DACT2: variants seen among roughly 807,000 people sequenced by gnomAD.
DACT2 encodes dapper homolog 2.
DACT2 carries 20 observed loss-of-function variants against 22.2 expected under a neutral mutation model. That is an observed-to-expected ratio of 0.90 (90% CI 0.63 to 1.31). The LOEUF (loss-of-function observed/expected upper bound fraction) is 1.31, where lower values mean the gene tolerates loss of function less well. Ranked by LOEUF, DACT2 falls within the 50% of genes most tolerant of loss-of-function variation. The pLI, the probability that DACT2 is intolerant of heterozygous loss-of-function variation, is 0.00. For missense variants in DACT2, 1,048 were observed against 1,061.4 expected, an observed-to-expected ratio of 0.99 and a Z score of 0.18; for synonymous variants, 463 against 479.8, an observed-to-expected ratio of 0.96 and a Z score of 0.46.
intron 1 of DACT2, among the ~76,000 whole-genome samples, chr6:168,314,910 T>A (rs1779508061): frequency 6.6e-6 from 1 of 152,102 alleles, no homozygotes; most frequent in African/African-American, 2.4e-5. Flanking sequence ...GACTTGTGGA[T>A]AAAAAGGAGC....
Position 168,294,577 on chromosome 6 carries a change from G to GTGTATATATATATATATATATA in DACT2, c.730+55_730+56insTATATATATATATATATATACA, listed in dbSNP as rs1177617130. 46 of 124,462 alleles carry GTGTATATATATATATATATATA rather than the reference G, an allele frequency of 3.7e-4. 1 individual carries two copies. The highest frequency in any genetic ancestry group is 1.9e-3 in the African/African-American group (33 of 17,570). The allele number at this position is 124,462 out of a possible 1,614,324, so 7.7% of individuals were successfully genotyped here. On this transcript the variant is annotated intron_variant, in intron 4 of 5. Transcript: ENST00000366796. ...TGTGTGTGTATGTGTGTGTGTGTGTGTATATATATATATATATATATATAT... is the reference window on the plus strand; with the variant it reads ...TGTGTGTGTATGTGTGTGTGTGTGTGTGTATATATATATATATATATATATATATATATATATATATATATAT...
chr6:168,319,433 G>T lies in DACT2; in HGVS notation c.201C>A (p.Pro67=), dbSNP rs1186553415. The change falls in exon 1 of 4, where the codon CCC becomes CCA. Residue 67 remains proline (P), a synonymous_variant. Transcript: ENST00000366795. ...CCAGCGCCGCCTCCAGCTGCTGCTCGGGGCCGTGGAGGCCGTGGGGGCCGC... is the reference window on the plus strand; with the variant it reads ...CCAGCGCCGCCTCCAGCTGCTGCTCTGGGCCGTGGAGGCCGTGGGGGCCGC... ...APCGPHGLHG[P]EQQLEAALAA... is the part of the protein sequence containing the mutation. The T allele has an allele frequency of 8.3e-7, 1 of 1,205,952 alleles. No individual in the cohort carries two copies. Among genetic ancestry groups the T allele is most frequent in the Non-Finnish European group, 1.0e-6 (1 of 971,902 alleles). 74.7% of individuals were successfully genotyped at this position (1,205,952 alleles called of 1,614,324 possible).
At position 168,311,120 on chromosome 6, in the gene DACT2, C is replaced by G. The variant is rs763977992; in HGVS notation, c.379+32G>C. 2.3e-5 allele frequency: 35 copies of G among 1,499,698 alleles called. No individual in the cohort carries two copies. The East Asian group carries it at 7.5e-4, about 32-fold the overall frequency. 92.9% of individuals were successfully genotyped at this position (1,499,698 alleles called of 1,614,324 possible). A position where few individuals can be genotyped will look rare whatever the true frequency, so the allele number is the denominator to read the frequency against. On this transcript the variant is annotated intron_variant, in intron 2 of 3. Transcript: ENST00000366795. ...CCTCTGCCTGTGCTGCGTGCCTGCCCCTGTGTCCGGGAGGTCAGGGCGCCC... is the reference window on the plus strand; with the variant it reads ...CCTCTGCCTGTGCTGCGTGCCTGCCGCTGTGTCCGGGAGGTCAGGGCGCCC...
downstream of DACT2, among the ~76,000 whole-genome samples, chr6:168,304,442 A>G (rs987259041): frequency 1.3e-5 from 2 of 152,230 alleles, no homozygotes; most frequent in Admixed American, 6.5e-5. Context: ...CAGCCCTCTC[A>G]AAAACGGGCT....
At chr6:168,312,321 C>G (rs1779439170) in intron 1 of DACT2, among the ~76,000 whole-genome samples, 1 of 152,116 alleles carries the variant, frequency 6.6e-6, no homozygotes, top group African/African-American at 2.4e-5. Flanking sequence ...CTCAGCCGCC[C>G]AAGTATCCGG....
intron 3 of DACT2, among the ~76,000 whole-genome samples, chr6:168,297,213 C>T (rs567115972): frequency 6.6e-6 from 1 of 152,260 alleles, no homozygotes; most frequent in South Asian, 2.1e-4. Flanking sequence ...ACAATGGTCC[C>T]CCAGAGATGT....
chr6:168,294,784 T>C, intron 3 of DACT2: 1 of 573,264 alleles, frequency 1.7e-6, no homozygotes, highest in African/African-American at 2.0e-5. Flanking sequence ...TTCTGCAGCT[T>C]CAATGATTCT....
intron 1 of DACT2, 80 bp downstream of exon 1, chr6:168,319,308 T>C (rs1583305707): frequency 8.7e-7 from 1 of 1,146,060 alleles, no homozygotes; most frequent in Non-Finnish European, 1.1e-6. Context: ...CCCGTCCCAC[T>C]AACACACAGT....
In DACT2 at chr6:168,307,983, G is replaced by T. The variant is rs773002300; in HGVS notation, c.1774C>A (p.Pro592Thr). 6.4e-7 allele frequency: 1 copy of T among 1,551,218 alleles called. No individual in the cohort carries two copies. Among genetic ancestry groups the T allele is most frequent in the South Asian group, 1.2e-5 (1 of 84,028 alleles). The part of the protein sequence containing the change: ...SHRTSAQALF[P>T]FEASLLTSVA... ...GAGGTGAGCAGTGACGCCTCAAAGG[G>T]GAACAGGGCTTGGGCTGAGGTCCGG... The change falls in exon 4 of 4, where the codon CCC becomes ACC. Residue 592 changes from proline to threonine, a missense_variant. Transcript: ENST00000366795. This position sits in a 1 kb window ranked among gnomAD's most constrained non-coding sequence, Gnocchi z 5.3.
downstream of DACT2, among the ~76,000 whole-genome samples, chr6:168,306,565 C>T (rs963822619): frequency 2.0e-5 from 3 of 152,002 alleles, no homozygotes; most frequent in African/African-American, 7.3e-5. Context: ...GCCTCAGCCT[C>T]CCAAGTAGCT....
rs886900510 is a variant in DACT2, at chr6:168,307,196, G to A, written c.*236C>T. 50 of 1,376,970 alleles carry A rather than the reference G, an allele frequency of 3.6e-5. 1 individual carries two copies. The South Asian group carries it at 4.0e-4, about 11-fold the overall frequency. The allele number at this position is 1,376,970 out of a possible 1,614,324, so 85.3% of individuals were successfully genotyped here. The stretch of plus-strand genomic sequence containing the variant: ...AGACCTTGAAAAGAGACACTAGGTC[G>A]GCCGGGGAGGCTGCTGGCATCTGAA... On this transcript the variant is annotated 3_prime_UTR_variant, in exon 4 of 4. Coordinates refer to ENST00000366795, the MANE Select transcript of DACT2 (RefSeq NM_214462.5). This position sits in a 1 kb window ranked among gnomAD's most constrained non-coding sequence, Gnocchi z 5.3.
At position 168,294,772 on chromosome 6, in the gene DACT2, G is replaced by A. The variant is rs1011639314; in HGVS notation, c.659-68C>T. On this transcript the variant is annotated intron_variant, in intron 3 of 5. Coordinates refer to the DACT2 transcript ENST00000366796. ...ACACCTGCAGCTTCAACGATTCTGC[G>A]ATTCTGCAGCTTCAATGATTCTGCA... is the stretch of plus-strand genomic sequence containing the variant. 5.8e-6 allele frequency: 4 copies of A among 685,418 alleles called. No individual in the cohort carries two copies. The Admixed American group carries it at 1.1e-4, about 20-fold the overall frequency. 42.5% of individuals were successfully genotyped at this position (685,418 alleles called of 1,614,324 possible). A position where few individuals can be genotyped will look rare whatever the true frequency, so the allele number is the denominator to read the frequency against.
intron 1 of DACT2, 37 bp downstream of exon 1, chr6:168,319,351 C>G: frequency 8.4e-7 from 1 of 1,193,212 alleles, no homozygotes; most frequent in African/African-American, 1.6e-5. Context: ...GTGGCCCGCA[C>G]ACCTCGCAGC....
intron 3 of DACT2, among the ~76,000 whole-genome samples, chr6:168,300,854 C>T (rs1244369192): frequency 6.6e-6 from 1 of 152,048 alleles, no homozygotes; most frequent in African/African-American, 2.4e-5. Flanking sequence ...GGCGTGGTGG[C>T]AGGTGCCTGT....
chr6:168,310,015 A>T (rs1438019809), intron 3 of DACT2, among the ~76,000 whole-genome samples, 153 bp downstream of exon 3: 1 of 152,222 alleles, frequency 6.6e-6, no homozygotes, highest in East Asian at 1.9e-4. Flanking sequence ...CATCCAAACC[A>T]CCACGTGGCC....
At chr6:168,303,522 G>A (rs745827451), downstream of DACT2, among the ~76,000 whole-genome samples, 1 of 152,100 alleles carries the variant, frequency 6.6e-6, no homozygotes, top group East Asian at 1.9e-4. Context: ...CTTTACACAC[G>A]CCCGGTCCCC....
downstream of DACT2, among the ~76,000 whole-genome samples, chr6:168,305,636 G>C (rs1779189990): frequency 6.6e-6 from 1 of 152,210 alleles, no homozygotes; most frequent in African/African-American, 2.4e-5. Flanking sequence ...GTGGACTGAG[G>C]CTGCGCCCAC....
chr6:168,314,675 G>A (rs1235940533), intron 1 of DACT2, among the ~76,000 whole-genome samples: 1 of 152,106 alleles, frequency 6.6e-6, no homozygotes, highest in East Asian at 1.9e-4. Flanking sequence ...ACACCTTTAC[G>A]GCACATGTGG....
downstream of DACT2, among the ~76,000 whole-genome samples, chr6:168,302,813 G>T (rs1779134010): frequency 6.6e-6 from 1 of 152,186 alleles, no homozygotes; most frequent in Non-Finnish European, 1.5e-5. Flanking sequence ...CACCAGACAA[G>T]CCCCCTTTGA....
Sources: allele counts gnomAD v4.1 joint callset (sites outside exome capture counted in the v4.1 genomes callset), GRCh38; gene constraint gnomAD v4.1.1; non-coding constraint Gnocchi (gnomAD v3.1); transcripts MANE v1.5; gene names NCBI Gene and HGNC (gene_info 2026-07-23, HGNC 2026-07-21).